ZNF341: variants seen among roughly 807,000 people sequenced by gnomAD.
The protein encoded by ZNF341 is zinc finger protein 341.
ZNF341 carries 52 observed loss-of-function variants against 87.7 expected under a neutral mutation model. The ratio of observed to expected loss-of-function variants is 0.59; its 90% CI spans 0.47 to 0.75. The LOEUF (loss-of-function observed/expected upper bound fraction) is 0.75. ZNF341 is among the 30% of genes least tolerant of loss of function. ZNF341 has a pLI of 0.00. For missense variants in ZNF341, 977 were observed against 1,145.9 expected, an observed-to-expected ratio of 0.85 and a Z score of 2.13; for synonymous variants, 459 against 472.7, an observed-to-expected ratio of 0.97 and a Z score of 0.38.
At chr20:33,775,124 A>G (rs1233074735) in intron 10 of ZNF341, among the ~76,000 whole-genome samples, 3 of 152,064 alleles carry the variant, frequency 2.0e-5, no homozygotes, top group South Asian at 2.1e-4. Flanking sequence ...CAGTATAACA[A>G]TTATACAGGG....
chr20:33,742,588 T>C (rs2018824568), intron 2 of ZNF341, among the ~76,000 whole-genome samples: 1 of 151,798 alleles, frequency 6.6e-6, no homozygotes, highest in African/African-American at 2.4e-5. Context: ...AGTGCAGAGA[T>C]TACAGGCGTG....
rs373764478 is a variant in ZNF341, at chr20:33,753,220, C to G, written c.538C>G (p.Pro180Ala). The G allele has an allele frequency of 1.5e-4, 237 of 1,612,032 alleles. No homozygotes were observed. In the Middle Eastern group the frequency reaches 1.5e-3, roughly 11 times the overall value. Residue 180 changes from proline (P) to alanine (A), a missense_variant, in exon 5 of 15, where the codon CCT (proline) becomes GCT (alanine). This residue lies in a region of ZNF341 where 515 missense variants were observed against 598.2 expected (regional missense o/e 0.86). Coordinates refer to ENST00000375200, the MANE Select transcript of ZNF341 (RefSeq NM_001282933.2). ...SVPSYLTQPP[P>A]PPPPPPPLPP... Reference sequence around the variant, plus strand: ...GCCCAGCTACCTCACCCAGCCTCCACCTCCTCCTCCACCTCCTCCACCACT... The same window carrying G: ...GCCCAGCTACCTCACCCAGCCTCCAGCTCCTCCTCCACCTCCTCCACCACT...
chr20:33,791,403 A>T lies in ZNF341; in HGVS notation c.2451A>T (p.Val817=), dbSNP rs1601300378. Reference sequence around the variant, plus strand: ...TGGGCGCGGAAACTGAGCTGGTGGTACCTGGACACGCTGAGGGGCTGGGCT... The same window carrying T: ...TGGGCGCGGAAACTGAGCTGGTGGTTCCTGGACACGCTGAGGGGCTGGGCT... ...GAVGAETELV[V]PGHAEGLGSN... is the part of the protein sequence containing the mutation. Residue 817 remains valine, a synonymous_variant, in exon 15 of 15, where the codon GTA becomes GTT. Transcript: ENST00000375200. 6.2e-7 allele frequency: 1 copy of T among 1,612,398 alleles called. No homozygotes were observed. Among genetic ancestry groups the T allele is most frequent in the East Asian group, 2.2e-5 (1 of 44,870 alleles).
intron 7 of ZNF341, among the ~76,000 whole-genome samples, chr20:33,759,695 C>T (rs542661346): frequency 2.0e-5 from 3 of 152,182 alleles, no homozygotes; most frequent in East Asian, 3.9e-4. Flanking sequence ...TAGAGAAAAC[C>T]TCAATTTGGT....
At chr20:33,768,969 G>C (rs995367066) in intron 9 of ZNF341, among the ~76,000 whole-genome samples, 3 of 152,130 alleles carry the variant, frequency 2.0e-5, no homozygotes, top group African/African-American at 7.2e-5. Context: ...AGAGGCCATG[G>C]ATAGCTATGC....
Position 33,745,294 on chromosome 20 carries a change from C to A in ZNF341, c.334C>A (p.Arg112Ser). 6.2e-7 allele frequency: 1 copy of A among 1,611,808 alleles called. No homozygotes were observed. The highest frequency in any genetic ancestry group is 8.5e-7 in the Non-Finnish European group (1 of 1,178,264). Residue 112 changes from arginine to serine, a missense_variant, in exon 3 of 15, where the codon CGC (arginine) becomes AGC (serine). Coordinates refer to ENST00000375200, the MANE Select transcript of ZNF341 (RefSeq NM_001282933.2). ...CCAGCAGGCCCCAACTCCTGCCAAT[C>A]GCCAGGTATTTGTTCATTTATTCAT... ...AVQQAPTPAN[R>S]QISTYITVPP...
At chr20:33,781,112 C>T (rs2019733877) in intron 10 of ZNF341, among the ~76,000 whole-genome samples, 179 bp from the exon 11 acceptor site, 1 of 152,080 alleles carries the variant, frequency 6.6e-6, no homozygotes, top group Non-Finnish European at 1.5e-5. Context: ...TGCACAAGTC[C>T]GAACAAGAGA....
chr20:33,744,111 C>T (rs1338504659), intron 2 of ZNF341, among the ~76,000 whole-genome samples: 1 of 152,004 alleles, frequency 6.6e-6, no homozygotes, highest in African/African-American at 2.4e-5. Flanking sequence ...GGTGAAACCC[C>T]GTCTCTACTA....
chr20:33,789,539 G>T lies in ZNF341; in HGVS notation c.1986G>T (p.Lys662Asn), dbSNP rs1230908143. The change falls in exon 14 of 15, where the codon AAG becomes AAT. Residue 662 changes from lysine to asparagine, a missense_variant. Physicochemically the swap from Lys to Asn is moderately conservative, Grantham distance 94. This residue lies in a region of ZNF341 where 241 missense variants were observed against 335.0 expected (regional missense o/e 0.72). Coordinates refer to ENST00000375200, the MANE Select transcript of ZNF341 (RefSeq NM_001282933.2). ...CPFSTHTGCSKEFNRPDKLKA... is the reference protein window; with the variant it reads ...CPFSTHTGCSNEFNRPDKLKA... ...TTAGGACGCACACAGGCTGCAGTAA[G>T]GAGTTCAACCGGCCGGACAAGCTGA... 5.6e-6 allele frequency: 9 copies of T among 1,614,112 alleles called. No individual in the cohort carries two copies. The highest frequency in any genetic ancestry group is 7.6e-6 in the Non-Finnish European group (9 of 1,180,012).
intron 5 of ZNF341, among the ~76,000 whole-genome samples, chr20:33,756,424 T>C (rs958598653): frequency 2.0e-5 from 3 of 150,702 alleles, no homozygotes; most frequent in Non-Finnish European, 4.4e-5. Context: ...TGGAGTGCAG[T>C]GGCGCGATCT....
rs534634515 is a variant in ZNF341 at position 33,776,737 on chromosome 20, C to T, written c.1623-4554C>T. Among the ~76,000 whole-genome samples the T allele has an allele frequency of 7.9e-5, 12 of 152,112 alleles. No individual in the cohort carries two copies. In the South Asian group the frequency reaches 2.5e-3, roughly 32 times the overall value. Reference sequence around the variant, plus strand: ...TCACTGTGTTGTCCAGTCTAGAGTGCATCAGCTATTCACAGGTGTGGTCGC... The same window carrying T: ...TCACTGTGTTGTCCAGTCTAGAGTGTATCAGCTATTCACAGGTGTGGTCGC... On this transcript the variant is annotated intron_variant, in intron 10 of 14. Transcript: ENST00000375200.
At position 33,753,315 on chromosome 20, in the gene ZNF341, C is replaced by A. The variant is rs995516465; in HGVS notation, c.633C>A (p.Asn211Lys). 5 of 1,611,670 alleles carry A rather than the reference C, an allele frequency of 3.1e-6. No individual in the cohort carries two copies. In the African/African-American group the frequency reaches 4.0e-5, roughly 13 times the overall value. ...GCCTGGGCCCCCCTGGGCGTCCCAACCCTGGTGGGAACGGTGTGGTGGAGG... is the reference window on the plus strand; with the variant it reads ...GCCTGGGCCCCCCTGGGCGTCCCAAACCTGGTGGGAACGGTGTGGTGGAGG... Reference protein sequence around the residue: ...PQSLGPPGRPNPGGNGVVEVY... With the variant: ...PQSLGPPGRPKPGGNGVVEVY... Residue 211 changes from asparagine to lysine, a missense_variant, in exon 5 of 15, where the codon AAC (asparagine) becomes AAA (lysine). By Grantham distance (94) the Asn-to-Lys change is moderately conservative. This residue lies in a region of ZNF341 where 515 missense variants were observed against 598.2 expected (regional missense o/e 0.86). Coordinates refer to ENST00000375200, the MANE Select transcript of ZNF341 (RefSeq NM_001282933.2).
At chr20:33,738,193 C>G (rs1163078170) in intron 1 of ZNF341, among the ~76,000 whole-genome samples, 1 of 151,408 alleles carries the variant, frequency 6.6e-6, no homozygotes, top group Non-Finnish European at 1.5e-5. Context: ...ATTCCCAGCA[C>G]TTTGGGAGGC....
At chr20:33,757,034 G>C (rs1208037822) in intron 5 of ZNF341, 114 bp from the exon 6 acceptor site, 1 of 837,772 alleles carries the variant, frequency 1.2e-6, no homozygotes, top group East Asian at 3.0e-5. Context: ...GGCTGTGATG[G>C]TGATGTAGGG....
chr20:33,768,807 T>G (rs2019464818), intron 9 of ZNF341, among the ~76,000 whole-genome samples: 1 of 152,184 alleles, frequency 6.6e-6, no homozygotes, highest in South Asian at 2.1e-4. Context: ...CATGATATTG[T>G]GTAGGCAACC....
chr20:33,777,042 G>A (rs558223716), intron 10 of ZNF341, among the ~76,000 whole-genome samples: 38 of 151,550 alleles, frequency 2.5e-4, no homozygotes, highest in Non-Finnish European at 4.9e-4. Context: ...GGCTCTGTGC[G>A]GTGGCTCATG....
At chr20:33,752,885 G>A (rs551485278) in intron 4 of ZNF341, among the ~76,000 whole-genome samples, 22 of 150,510 alleles carry the variant, frequency 1.5e-4, no homozygotes, top group African/African-American at 2.2e-4. Flanking sequence ...TCCTGACCTC[G>A]TGATCCGCCC....
intron 4 of ZNF341, chr20:33,752,115 C>A (rs1478317106): frequency 7.7e-6 from 3 of 389,100 alleles, no homozygotes; most frequent in Non-Finnish European, 1.0e-5. Flanking sequence ...CAAGCCCCCC[C>A]CCCTTTTTTT....
intron 8 of ZNF341, 26 bp downstream of exon 8, chr20:33,762,081 C>A: frequency 1.3e-6 from 2 of 1,495,326 alleles, no homozygotes; most frequent in Admixed American, 1.9e-5. Context: ...GAACGCCATG[C>A]TTCCCACACC....
Sources: gnomAD v4.1 joint callset for allele counts (sites outside exome capture counted in the v4.1 genomes callset) on GRCh38, gnomAD v4.1.1 for gene constraint, gnomAD v4.1.1 regional missense constraint, MANE v1.5 for transcripts, NCBI Gene and HGNC (gene_info 2026-07-23, HGNC 2026-07-21) for gene names.